The following ADAP1 variants were observed in gnomAD, a reference collection of about 807,000 sequenced individuals.
ADAP1 encodes the protein arf-GAP with dual PH domain-containing protein 1.
In ADAP1, 31 loss-of-function variants were observed where a neutral mutation model predicts 54.9. The ratio of observed to expected loss-of-function variants is 0.56; its 90% CI spans 0.42 to 0.76. The LOEUF is 0.76. Ranked by LOEUF, ADAP1 falls within the 30% of genes least tolerant of loss-of-function variation. ADAP1 has a pLI of 0.00. For synonymous variants in ADAP1, 313 were observed against 202.6 expected (o/e 1.55, Z -4.63); for missense variants, 535 against 512.4 (o/e 1.04, Z -0.42).
intron 4 of ADAP1, among the ~76,000 whole-genome samples, chr7:906,621 GGAGAAA>G (rs1409087952): frequency 1.2e-5 from 1 of 80,488 alleles, no homozygotes; most frequent in Non-Finnish European, 2.5e-5. Context: ...GAAAGGGAAA[GGAGAAA>G]GGAGAAAGGA....
chr7:916,736 G>A (rs943683781), intron 4 of ADAP1, among the ~76,000 whole-genome samples: 2 of 152,174 alleles, frequency 1.3e-5, no homozygotes, highest in Non-Finnish European at 2.9e-5. Context: ...GCACAGGCTG[G>A]CTGTGTGCCA....
rs561472625 is a variant in ADAP1, at chr7:904,998, G to C, written c.501+62C>G. 1.8e-5 allele frequency: 26 copies of C among 1,452,838 alleles called. No homozygotes were observed. The African/African-American group carries it at 2.4e-4, about 13-fold the overall frequency. The allele number at this position is 1,452,838 out of a possible 1,614,324, so 90.0% of individuals were successfully genotyped here. On this transcript the variant is annotated intron_variant, in intron 5 of 10. Transcript: ENST00000265846. ...ATGGACGCGGCCACCACAGGCCCCA[G>C]TGTGGGAGGCCGGGATGCCGCCCTG... is the stretch of plus-strand genomic sequence containing the variant.
intron 1 of ADAP1, among the ~76,000 whole-genome samples, chr7:942,601 A>T (rs1378609761): frequency 1.6e-5 from 1 of 60,762 alleles, no homozygotes; most frequent in Non-Finnish European, 3.8e-5. Flanking sequence ...AGGAAGGGAG[A>T]GAGGAGGAGG....
intron 9 of ADAP1, 46 bp from the exon 10 acceptor site, chr7:899,307 C>G (rs757660131): frequency 8.1e-6 from 13 of 1,608,318 alleles, no homozygotes; most frequent in Non-Finnish European, 8.5e-6. Flanking sequence ...TCCCTTCCAG[C>G]CCCGCTTCAC....
intron 2 of ADAP1, among the ~76,000 whole-genome samples, chr7:932,330 C>T (rs1332094950): frequency 6.6e-6 from 1 of 152,146 alleles, no homozygotes; most frequent in Non-Finnish European, 1.5e-5. Flanking sequence ...CCAAGTTGGC[C>T]CCTGTCCTCT....
intron 4 of ADAP1, among the ~76,000 whole-genome samples, chr7:909,115 G>GA (rs1845602409): frequency 1.4e-5 from 2 of 146,740 alleles, no homozygotes; most frequent in Admixed American, 1.4e-4. Flanking sequence ...ACGCCAGCGG[G>GA]AACCCCGGTC....
chr7:952,052 A>AC (rs1847285028), intron 1 of ADAP1, among the ~76,000 whole-genome samples: 1 of 142,868 alleles, frequency 7.0e-6, no homozygotes, highest in South Asian at 2.5e-4. Flanking sequence ...CAGGATGGAG[A>AC]CCCCCACCCA....
chr7:899,805 T>TC (rs1328517059), intron 8 of ADAP1, among the ~76,000 whole-genome samples: 2 of 151,996 alleles, frequency 1.3e-5, no homozygotes, highest in African/African-American at 2.4e-5. Context: ...GATTTGTGTC[T>TC]CCCTCCCACA....
rs57738487 is a variant in ADAP1, at chr7:936,216, A to ATTTTTTTTT, written c.83-712_83-711insAAAAAAAAA. On this transcript the variant is annotated intron_variant, in intron 1 of 10. Transcript: ENST00000265846. The stretch of plus-strand genomic sequence containing the variant: ...CGCTTTGGGAGGCTGAGGGAGCAGA[A>ATTTTTTTTT]TTTTTTTTGAGACATAGTCTGTTGC... Among the ~76,000 whole-genome samples the ATTTTTTTTT allele has an allele frequency of 5.0e-3, 753 of 151,398 alleles. 6 individuals carry two copies. The highest frequency in any genetic ancestry group is 0.016 in the African/African-American group (650 of 41,138).
intron 4 of ADAP1, among the ~76,000 whole-genome samples, chr7:907,018 C>T (rs976165367): frequency 2.0e-4 from 30 of 152,172 alleles, no homozygotes; most frequent in African/African-American, 7.2e-4. Context: ...TGGGTCCAAC[C>T]TCGTGCTGCC....
chr7:912,517 C>T (rs1241749022), intron 4 of ADAP1, among the ~76,000 whole-genome samples: 1 of 152,158 alleles, frequency 6.6e-6, no homozygotes, highest in African/African-American at 2.4e-5. Context: ...GCTGGCTCAG[C>T]GGGCTGAGGT....
chr7:910,824 G>C (rs554426311), intron 4 of ADAP1, among the ~76,000 whole-genome samples: 1 of 152,276 alleles, frequency 6.6e-6, no homozygotes, highest in African/African-American at 2.4e-5. Flanking sequence ...CCGAGGCCCT[G>C]ATCACTGCAC....
chr7:917,489 G>C (rs774651605), intron 4 of ADAP1, among the ~76,000 whole-genome samples: 6 of 152,182 alleles, frequency 3.9e-5, no homozygotes, highest in Non-Finnish European at 7.3e-5. Flanking sequence ...TTTTGAGACA[G>C]ACTTTTGCTC....
At chr7:948,008 CTTCCGGAGGGGCCG>C in intron 1 of ADAP1, among the ~76,000 whole-genome samples, 1 of 152,006 alleles carries the variant, frequency 6.6e-6, no homozygotes, top group Non-Finnish European at 1.5e-5. Context: ...CCCACTCCCT[CTTCCGGAGGGGCCG>C]TCTCCCTCCT....
intron 4 of ADAP1, among the ~76,000 whole-genome samples, chr7:919,683 A>C (rs540980354): frequency 9.0e-4 from 62 of 68,898 alleles, no homozygotes; most frequent in African/African-American, 3.5e-3. Context: ...AAGGAGGGAG[A>C]GAGAGAGAGA....
intron 4 of ADAP1, among the ~76,000 whole-genome samples, chr7:918,845 G>A (rs1846041041): frequency 6.7e-6 from 1 of 148,970 alleles, no homozygotes; most frequent in Non-Finnish European, 1.5e-5. Flanking sequence ...GGAGGAGGAA[G>A]CCAGCCCACC....
At chr7:923,744 C>T (rs952763377) in intron 3 of ADAP1, among the ~76,000 whole-genome samples, 16 of 152,128 alleles carry the variant, frequency 1.1e-4, no homozygotes, top group Admixed American at 1.3e-4. Context: ...GACCCTGCTC[C>T]GGACGCTGCC....
rs1173921510 is a variant in ADAP1, at chr7:938,681, C to A, written c.83-3176G>T. 6.6e-6 allele frequency among the ~76,000 whole-genome samples: 1 copy of A among 152,210 alleles called. No individual in the cohort carries two copies. Among genetic ancestry groups the A allele is most frequent in the Non-Finnish European group, 1.5e-5 (1 of 68,036 alleles). ...AGTCTCCGGGCCTCGGTCTCCTCATCTGTCGGATGGGACAGCACGAGCCAC... is the reference window on the plus strand; with the variant it reads ...AGTCTCCGGGCCTCGGTCTCCTCATATGTCGGATGGGACAGCACGAGCCAC... On this transcript the variant is annotated intron_variant, in intron 1 of 10. Coordinates refer to ENST00000265846, the MANE Select transcript of ADAP1 (RefSeq NM_006869.4). The surrounding 1 kb of genome is among the most constrained non-coding windows in gnomAD (Gnocchi z 4.4).
Position 920,119 on chromosome 7 carries a change from G to T in ADAP1, c.306-69C>A. 2 of 1,452,176 alleles carry T rather than the reference G, an allele frequency of 1.4e-6. No homozygotes were observed. Among genetic ancestry groups the T allele is most frequent in the Non-Finnish European group, 1.9e-6 (2 of 1,057,830 alleles). 90.0% of individuals were successfully genotyped at this position (1,452,176 alleles called of 1,614,324 possible). A position where few individuals can be genotyped will look rare whatever the true frequency, so the allele number is the denominator to read the frequency against. ...CCGACCCAGCACACGCCGCTCTCTG[G>T]CCCGGACCCTGGACATCTCAAGAGG... On this transcript the variant is annotated intron_variant, in intron 3 of 10. Coordinates refer to ENST00000265846, the MANE Select transcript of ADAP1 (RefSeq NM_006869.4). This position sits in a 1 kb window ranked among gnomAD's most constrained non-coding sequence, Gnocchi z 4.5.
Sources: allele counts gnomAD v4.1 joint callset (sites outside exome capture counted in the v4.1 genomes callset), GRCh38; gene constraint gnomAD v4.1.1; non-coding constraint Gnocchi (gnomAD v3.1); transcripts MANE v1.5; gene names NCBI Gene and HGNC (gene_info 2026-07-23, HGNC 2026-07-21).